Variants in TYW1B observed in about 807,000 individuals in gnomAD.
TYW1B encodes the protein tRNA-yW synthesizing protein 1 homolog B.
Under a neutral mutation model 86.9 loss-of-function variants are expected in TYW1B, and 73 were observed. The observed-to-expected ratio is 0.84, with a 90% CI of 0.70 to 1.02. The LOEUF (loss-of-function observed/expected upper bound fraction) is 1.02. TYW1B is among the 50% of genes least tolerant of loss of function. TYW1B has a pLI of 0.00. For missense variants in TYW1B, 637 were observed against 827.4 expected, an observed-to-expected ratio of 0.77 and a Z score of 2.82; for synonymous variants, 248 against 292.8, an observed-to-expected ratio of 0.85 and a Z score of 1.56.
At chr7:72,661,279 G>C (rs1892747) in intron 11 of TYW1B, among the ~76,000 whole-genome samples, 68,554 of 94,344 alleles carry the variant, frequency 0.73, 25,656 homozygotes, top group Non-Finnish European at 0.86. Context: ...AACTAAGTTT[G>C]AAATAGGATA....
chr7:72,679,405 A>C (rs1813815887), intron 11 of TYW1B, among the ~76,000 whole-genome samples: 1 of 152,336 alleles, frequency 6.6e-6, no homozygotes, highest in Middle Eastern at 3.4e-3. Context: ...TTTCTCCTAC[A>C]TCAGGGAATA....
At chr7:72,650,546 T>C (rs1813033772) in intron 11 of TYW1B, among the ~76,000 whole-genome samples, 1 of 152,112 alleles carries the variant, frequency 6.6e-6, no homozygotes, top group Admixed American at 6.6e-5. Flanking sequence ...CTAAATAATA[T>C]ATATATAATG....
chr7:72,798,305 G>A (rs1207900013), intron 6 of TYW1B, among the ~76,000 whole-genome samples: 8 of 151,820 alleles, frequency 5.3e-5, no homozygotes, highest in Non-Finnish European at 1.0e-4. Flanking sequence ...GCAGGAGAAC[G>A]GCGTGAACCC....
intron 11 of TYW1B, among the ~76,000 whole-genome samples, chr7:72,691,150 T>C (rs1162559759): frequency 1.3e-5 from 2 of 152,166 alleles, no homozygotes; most frequent in African/African-American, 4.8e-5. Context: ...TCTTTCTTAA[T>C]AGCATCTACT....
intron 11 of TYW1B, among the ~76,000 whole-genome samples, chr7:72,653,717 C>T (rs1554443178): frequency 6.6e-6 from 1 of 152,026 alleles, no homozygotes; most frequent in African/African-American, 2.4e-5. Context: ...CAGGCTAGTA[C>T]AGAAAAATAA....
intron 13 of TYW1B, among the ~76,000 whole-genome samples, chr7:72,580,462 T>C (rs1554429442): frequency 6.6e-6 from 1 of 152,044 alleles, no homozygotes; most frequent in African/African-American, 2.4e-5. Flanking sequence ...GAATTACAAA[T>C]AAACTCAAAA....
intron 13 of TYW1B, among the ~76,000 whole-genome samples, chr7:72,603,392 T>C (rs1811722627): frequency 6.6e-6 from 1 of 152,040 alleles, no homozygotes; most frequent in Admixed American, 6.6e-5. Flanking sequence ...GATGGATGGA[T>C]GCACAGAAGG....
chr7:72,712,153 C>A (rs1786680565), intron 10 of TYW1B, among the ~76,000 whole-genome samples: 2 of 152,078 alleles, frequency 1.3e-5, no homozygotes. Flanking sequence ...AACCCAACCT[C>A]ATCATCCTAC....
intron 11 of TYW1B, among the ~76,000 whole-genome samples, chr7:72,679,634 A>G (rs1301775370): frequency 6.6e-6 from 1 of 152,240 alleles, no homozygotes; most frequent in African/African-American, 2.4e-5. Context: ...ATAGTTGCAT[A>G]TAATATGAAT....
chr7:72,737,787 CTTT>C (rs34001923), intron 8 of TYW1B, among the ~76,000 whole-genome samples: 1 of 138,858 alleles, frequency 7.2e-6, no homozygotes, highest in Admixed American at 7.3e-5. Context: ...CATTTTACTT[CTTT>C]TTTTTTTTTT....
chr7:72,655,181 T>C (rs71553251), intron 11 of TYW1B, among the ~76,000 whole-genome samples: 3 of 150,464 alleles, frequency 2.0e-5, no homozygotes, highest in Non-Finnish European at 3.0e-5. Flanking sequence ...AGGGAAGTGA[T>C]TGGGAATGTC....
intron 13 of TYW1B, among the ~76,000 whole-genome samples, chr7:72,606,237 G>A (rs1197358160): frequency 6.6e-6 from 1 of 152,100 alleles, no homozygotes; most frequent in Non-Finnish European, 1.5e-5. Flanking sequence ...GCTCTCTTAG[G>A]ACAGCAGGAA....
At chr7:72,711,963 G>T (rs1433564814) in intron 10 of TYW1B, among the ~76,000 whole-genome samples, 3 of 152,040 alleles carry the variant, frequency 2.0e-5, no homozygotes, top group Non-Finnish European at 4.4e-5. Flanking sequence ...TTGACCTCAA[G>T]GAACTTGCAG....
chr7:72,730,617 AG>A (rs1316731087), intron 8 of TYW1B, among the ~76,000 whole-genome samples: 2 of 151,010 alleles, frequency 1.3e-5, no homozygotes, highest in East Asian at 3.9e-4. Context: ...GGAGAAGAAG[AG>A]GAGAAAAAGA....
intron 12 of TYW1B, among the ~76,000 whole-genome samples, chr7:72,625,190 T>C (rs1280002986): frequency 6.6e-6 from 1 of 152,116 alleles, no homozygotes; most frequent in African/African-American, 2.4e-5. Flanking sequence ...ATTTCCCAAA[T>C]AGCACATTCA....
intron 11 of TYW1B, among the ~76,000 whole-genome samples, chr7:72,667,031 CAA>C (rs60691255): frequency 0.015 from 628 of 42,354 alleles, 12 homozygotes; most frequent in African/African-American, 0.063. Flanking sequence ...GACTCCGTCT[CAA>C]AAAAAAAAAA....
At chr7:72,695,441 C>G (rs573397324) in intron 10 of TYW1B, among the ~76,000 whole-genome samples, 73 of 152,186 alleles carry the variant, frequency 4.8e-4, no homozygotes, top group Non-Finnish European at 9.9e-4. Flanking sequence ...GGAGCACAGC[C>G]CAGAAGAAAA....
intron 8 of TYW1B, among the ~76,000 whole-genome samples, chr7:72,739,496 T>C (rs372003639): frequency 8.6e-4 from 130 of 151,090 alleles, no homozygotes; most frequent in South Asian, 5.9e-3. Context: ...ATCCCAGCTA[T>C]TCAGGAGGCT....
chr7:72,638,511 CAACTT>C (rs1812724708), intron 11 of TYW1B, among the ~76,000 whole-genome samples: 1 of 152,236 alleles, frequency 6.6e-6, no homozygotes, highest in East Asian at 1.9e-4. Flanking sequence ...AAAATTTTCT[CAACTT>C]AATAAGGATA....
Sources: gnomAD v4.1 joint callset for allele counts (sites outside exome capture counted in the v4.1 genomes callset) on GRCh38, gnomAD v4.1.1 for gene constraint, MANE v1.5 for transcripts, NCBI Gene and HGNC (gene_info 2026-07-23, HGNC 2026-07-21) for gene names.